BARX2: variants seen among roughly 807,000 people sequenced by gnomAD.
BARX2 encodes the protein BARX homeobox 2, also known as homeobox protein BarH-like 2.
A neutral mutation model predicts 25.5 loss-of-function variants in BARX2; 11 were observed. The ratio of observed to expected loss-of-function variants is 0.43; its 90% CI spans 0.27 to 0.71. The LOEUF (loss-of-function observed/expected upper bound fraction) is 0.71, where lower values mean the gene tolerates loss of function less well. BARX2 is among the 30% of genes least tolerant of loss of function. The probability of loss-of-function intolerance (pLI) is 0.19; values close to 1 mark genes in which losing one functional copy is unlikely to be tolerated. For missense variants in BARX2, 360 were observed against 359.9 expected (o/e 1.00, Z 0.00); for synonymous variants, 137 against 149.5 (o/e 0.92, Z 0.61).
At chr11:129,415,346 C>T (rs911650905) in intron 1 of BARX2, among the ~76,000 whole-genome samples, 9 of 152,108 alleles carry the variant, frequency 5.9e-5, no homozygotes, top group Admixed American at 5.2e-4. Flanking sequence ...CCCTTTAAGC[C>T]CCAGAAGCCA....
chr11:129,409,067 A>G (rs999698117), intron 1 of BARX2, among the ~76,000 whole-genome samples: 7 of 152,192 alleles, frequency 4.6e-5, no homozygotes, highest in Non-Finnish European at 1.0e-4. Context: ...TACCCATATG[A>G]TAATACAAGA....
intron 1 of BARX2, among the ~76,000 whole-genome samples, chr11:129,388,576 A>C (rs1861638140): frequency 6.6e-6 from 1 of 152,156 alleles, no homozygotes; most frequent in Non-Finnish European, 1.5e-5. Context: ...AACACTTCGG[A>C]TATTTTTCAT....
chr11:129,441,426 T>C (rs1431008859), intron 2 of BARX2, among the ~76,000 whole-genome samples: 1 of 152,182 alleles, frequency 6.6e-6, no homozygotes. Flanking sequence ...AATTCTGATA[T>C]TGTAGCACAG....
At chr11:129,412,408 G>T (rs961586907) in intron 1 of BARX2, among the ~76,000 whole-genome samples, 1 of 152,214 alleles carries the variant, frequency 6.6e-6, no homozygotes, top group African/African-American at 2.4e-5. Flanking sequence ...AGCCTGGGAG[G>T]GTTCTCGGCT....
At chr11:129,434,400 T>TA (rs1190340519) in intron 1 of BARX2, among the ~76,000 whole-genome samples, 122 of 81,734 alleles carry the variant, frequency 1.5e-3, no homozygotes, top group Middle Eastern at 7.7e-3. Flanking sequence ...GTCTCTACTT[T>TA]AAAAAAAAAA....
At chr11:129,393,893 A>G (rs1398064159) in intron 1 of BARX2, among the ~76,000 whole-genome samples, 1 of 152,026 alleles carries the variant, frequency 6.6e-6, no homozygotes, top group African/African-American at 2.4e-5. Context: ...TGCGGCCAGG[A>G]TTGAGACCAG....
At chr11:129,385,166 A>G (rs1341935788) in intron 1 of BARX2, among the ~76,000 whole-genome samples, 1 of 152,152 alleles carries the variant, frequency 6.6e-6, no homozygotes, top group Non-Finnish European at 1.5e-5. Context: ...TGACAAGGAG[A>G]TGGAGCAACA....
chr11:129,376,029 G>A lies in BARX2; in HGVS notation c.-7G>A. On this transcript the variant is annotated 5_prime_UTR_variant, in exon 1 of 4. Transcript: ENST00000281437. The surrounding 1 kb of genome is among the most constrained non-coding windows in gnomAD (Gnocchi z 4.2). ...CTCGGGCCGGCGGACGCTCGCGCCG[G>A]CTCACCATGCACTGCCACGCCGAGC... is the stretch of plus-strand genomic sequence containing the variant. The A allele has an allele frequency of 3.3e-6, 5 of 1,508,216 alleles. No individual in the cohort carries two copies. Among genetic ancestry groups the A allele is most frequent in the Non-Finnish European group, 4.4e-6 (5 of 1,129,730 alleles). 93.4% of individuals were successfully genotyped at this position (1,508,216 alleles called of 1,614,324 possible).
intron 1 of BARX2, among the ~76,000 whole-genome samples, chr11:129,395,454 C>T (rs1861709533): frequency 6.6e-6 from 1 of 152,140 alleles, no homozygotes; most frequent in African/African-American, 2.4e-5. Flanking sequence ...AGCAGCTTTG[C>T]AAGAGTGATT....
chr11:129,398,099 C>A (rs1191071895), intron 1 of BARX2, among the ~76,000 whole-genome samples: 1 of 152,142 alleles, frequency 6.6e-6, no homozygotes, highest in Non-Finnish European at 1.5e-5. Context: ...TAAAATGAAC[C>A]TGTGTAAACT....
rs186334832 is a variant in BARX2 at position 129,419,291 on chromosome 11, C to G, written c.188-17460C>G. On this transcript the variant is annotated intron_variant, in intron 1 of 3. Transcript: ENST00000281437. ...TATTTCAGTGTTTCATATTAGAAAT[C>G]TCTTGGCCTTTGTTTGGAAGTTTGA... Among the ~76,000 whole-genome samples the G allele has an allele frequency of 3.4e-3, 507 of 150,892 alleles. 4 individuals carry two copies. The highest frequency in any genetic ancestry group is 0.012 in the African/African-American group (470 of 40,186).
intron 1 of BARX2, among the ~76,000 whole-genome samples, chr11:129,403,145 CA>C (rs1861795013): frequency 6.6e-6 from 1 of 152,256 alleles, no homozygotes; most frequent in Non-Finnish European, 1.5e-5. Context: ...GCTCCCAGCT[CA>C]AGTGGGTTTT....
At chr11:129,427,244 T>C (rs954862345) in intron 1 of BARX2, among the ~76,000 whole-genome samples, 1 of 152,222 alleles carries the variant, frequency 6.6e-6, no homozygotes, top group Non-Finnish European at 1.5e-5. Context: ...CCTAACTTTA[T>C]AGGACATTGA....
intron 1 of BARX2, among the ~76,000 whole-genome samples, chr11:129,413,136 G>A (rs1046673812): frequency 1.3e-5 from 2 of 152,144 alleles, no homozygotes; most frequent in Non-Finnish European, 2.9e-5. Flanking sequence ...TGAATAATGG[G>A]TACATGCTAC....
At chr11:129,405,908 G>A (rs1016462369) in intron 1 of BARX2, among the ~76,000 whole-genome samples, 2 of 152,156 alleles carry the variant, frequency 1.3e-5, no homozygotes, top group Non-Finnish European at 2.9e-5. Flanking sequence ...CCAGGCAGAA[G>A]TATTTGCTCT....
intron 1 of BARX2, among the ~76,000 whole-genome samples, chr11:129,420,205 T>A (rs1049190384): frequency 2.0e-5 from 3 of 152,036 alleles, no homozygotes; most frequent in African/African-American, 7.3e-5. Flanking sequence ...TAGCCAAATT[T>A]GGGGAAATTT....
chr11:129,445,874 C>CTT (rs1370896865), intron 3 of BARX2, among the ~76,000 whole-genome samples: 2 of 138,092 alleles, frequency 1.4e-5, no homozygotes, highest in African/African-American at 5.0e-5. Context: ...CAGTAAAACT[C>CTT]TTTTCAAGGC....
At chr11:129,449,525 C>T (rs2135418690) in intron 3 of BARX2, among the ~76,000 whole-genome samples, 1 of 152,308 alleles carries the variant, frequency 6.6e-6, no homozygotes, top group Non-Finnish European at 1.5e-5. Flanking sequence ...AAATCAAGAA[C>T]TATGCCAAGC....
Position 129,436,659 on chromosome 11 carries a change from CA to C in BARX2, c.188-91del, listed in dbSNP as rs1050333235. On this transcript the variant is annotated intron_variant, in intron 1 of 3. Coordinates refer to ENST00000281437, the MANE Select transcript of BARX2 (RefSeq NM_003658.5). This position sits in a 1 kb window ranked among gnomAD's most constrained non-coding sequence, Gnocchi z 4.5. ...TCCTTAAGAGCAGGGCCCTCCCTGT[CA>C]GACAGACCTCAGCCAGCGGCCCTCC... 3 of 1,393,342 alleles carry C rather than the reference CA, an allele frequency of 2.2e-6. No homozygotes were observed. In the African/African-American group the frequency reaches 4.3e-5, roughly 20 times the overall value. The allele number at this position is 1,393,342 out of a possible 1,614,324, so 86.3% of individuals were successfully genotyped here.
Sources: gnomAD v4.1 joint callset for allele counts (sites outside exome capture counted in the v4.1 genomes callset) on GRCh38, gnomAD v4.1.1 for gene constraint, Gnocchi (gnomAD v3.1) non-coding constraint, MANE v1.5 for transcripts, NCBI Gene and HGNC (gene_info 2026-07-23, HGNC 2026-07-21) for gene names.